Variants in CERKL observed in about 807,000 individuals in gnomAD.
The protein encoded by CERKL is CERK like autophagy regulator.
In CERKL, 61 loss-of-function variants were observed where a neutral mutation model predicts 63.4. That is an observed-to-expected ratio of 0.96 (90% confidence interval 0.78 to 1.19). The LOEUF (loss-of-function observed/expected upper bound fraction) is 1.19, where lower values mean the gene tolerates loss of function less well. Ranked by LOEUF, CERKL falls within the 50% of genes most tolerant of loss-of-function variation. CERKL has a pLI of 0.00. For synonymous variants in CERKL, 250 were observed against 230.5 expected (o/e 1.08, Z -0.77); for missense variants, 675 against 655.5 (o/e 1.03, Z -0.33).
chr2:181,576,651 C>T (rs767557110), intron 2 of CERKL, among the ~76,000 whole-genome samples: 2 of 152,170 alleles, frequency 1.3e-5, no homozygotes, highest in Non-Finnish European at 2.9e-5. Context: ...GGCTGCTTTG[C>T]GGAAAGTAGA....
chr2:181,631,847 T>C (rs1686975606), intron 1 of CERKL, among the ~76,000 whole-genome samples: 1 of 152,218 alleles, frequency 6.6e-6, no homozygotes, highest in African/African-American at 2.4e-5. Flanking sequence ...AGCTGGGCTG[T>C]CACATTTTGC....
chr2:181,585,369 AC>A (rs1461662566), intron 2 of CERKL, among the ~76,000 whole-genome samples: 2 of 152,300 alleles, frequency 1.3e-5, no homozygotes, highest in East Asian at 3.9e-4. Context: ...TGCGATTTCA[AC>A]TGCATTAAAG....
intron 1 of CERKL, among the ~76,000 whole-genome samples, chr2:181,641,575 C>T (rs933462099): frequency 6.6e-6 from 1 of 151,914 alleles, no homozygotes; most frequent in Non-Finnish European, 1.5e-5. Flanking sequence ...ATTGCATAAC[C>T]ATATCAGTTC....
chr2:181,547,169 T>A (rs1481886404), intron 10 of CERKL, among the ~76,000 whole-genome samples: 1 of 152,174 alleles, frequency 6.6e-6, no homozygotes, highest in Non-Finnish European at 1.5e-5. Flanking sequence ...CTTTTGTAAA[T>A]TACCCAGTCT....
At chr2:181,541,945 G>GA (rs1687524878) in intron 11 of CERKL, among the ~76,000 whole-genome samples, 1 of 152,188 alleles carries the variant, frequency 6.6e-6, no homozygotes, top group Non-Finnish European at 1.5e-5. Flanking sequence ...CAGCATACAA[G>GA]AAGACAGAGG....
intron 2 of CERKL, among the ~76,000 whole-genome samples, chr2:181,602,171 T>C (rs2105891516): frequency 6.6e-6 from 1 of 152,350 alleles, no homozygotes; most frequent in South Asian, 2.1e-4. Context: ...TTACTTTCTC[T>C]TGGTTTTATG....
chr2:181,637,403 T>C (rs1687225189), intron 1 of CERKL, among the ~76,000 whole-genome samples: 1 of 151,996 alleles, frequency 6.6e-6, no homozygotes, highest in Non-Finnish European at 1.5e-5. Context: ...AACAGAGAGG[T>C]CAATAAACGA....
intron 1 of CERKL, among the ~76,000 whole-genome samples, chr2:181,641,346 CAT>C (rs1299406156): frequency 1.8e-4 from 2 of 11,054 alleles, no homozygotes; most frequent in African/African-American, 2.3e-4. Context: ...TATATATATA[CAT>C]ATATATACAC....
chr2:181,538,351 C>T lies in CERKL; in HGVS notation c.1539-107G>A, dbSNP rs556123921. 8.5e-5 allele frequency: 57 copies of T among 672,882 alleles called. No homozygotes were observed. In the African/African-American group the frequency reaches 9.0e-4, roughly 11 times the overall value. 41.7% of individuals were successfully genotyped at this position (672,882 alleles called of 1,614,324 possible). ...GCCAAATACAAATTGATAACAAACA[C>T]AGCATTCCCAACAGAGCTGTAATCT... On this transcript the variant is annotated intron_variant, in intron 12 of 12. Transcript: ENST00000410087.
chr2:181,579,491 G>A (rs1020821605), intron 2 of CERKL, among the ~76,000 whole-genome samples: 2 of 151,810 alleles, frequency 1.3e-5, no homozygotes, highest in African/African-American at 2.4e-5. Context: ...AATTATGGCA[G>A]TACTTTACAC....
chr2:181,538,594 C>A (rs533630560), intron 12 of CERKL, among the ~76,000 whole-genome samples: 7 of 152,230 alleles, frequency 4.6e-5, no homozygotes, highest in Admixed American at 1.3e-4. Context: ...GGTTCCTAAA[C>A]CTGTTTATAC....
At chr2:181,561,111 C>T (rs1688421129) in intron 4 of CERKL, among the ~76,000 whole-genome samples, 1 of 152,076 alleles carries the variant, frequency 6.6e-6, no homozygotes, top group African/African-American at 2.4e-5. Context: ...GCGCAAATGG[C>T]CAGCACTGGC....
intron 1 of CERKL, among the ~76,000 whole-genome samples, chr2:181,638,185 C>T (rs189354258): frequency 4.8e-4 from 73 of 152,238 alleles, no homozygotes; most frequent in Middle Eastern, 3.4e-3. Flanking sequence ...TATTTTCTAG[C>T]TCTGTTCTTT....
intron 1 of CERKL, among the ~76,000 whole-genome samples, chr2:181,627,427 C>A (rs1355493152): frequency 1.3e-5 from 2 of 152,122 alleles, no homozygotes; most frequent in Non-Finnish European, 2.9e-5. Context: ...GAAAAAATTA[C>A]CAGGAGTTGC....
intron 2 of CERKL, among the ~76,000 whole-genome samples, chr2:181,602,812 G>T (rs1316762637): frequency 1.3e-5 from 2 of 152,090 alleles, no homozygotes; most frequent in African/African-American, 4.8e-5. Flanking sequence ...AACTATACAA[G>T]CTGCCTCTAC....
At chr2:181,609,227 G>A (rs937012614) in intron 1 of CERKL, among the ~76,000 whole-genome samples, 2 of 150,538 alleles carry the variant, frequency 1.3e-5, no homozygotes, top group Non-Finnish European at 3.0e-5. Context: ...TCTAGCATTA[G>A]GTATATCTCC....
chr2:181,625,926 G>A (rs1681227698), intron 1 of CERKL, among the ~76,000 whole-genome samples: 1 of 152,098 alleles, frequency 6.6e-6, no homozygotes, highest in South Asian at 2.1e-4. Context: ...TTGTTTAATA[G>A]ACAAAAATTC....
intron 1 of CERKL, among the ~76,000 whole-genome samples, chr2:181,651,430 T>C (rs1329952805): frequency 2.0e-5 from 3 of 152,230 alleles, no homozygotes; most frequent in African/African-American, 7.2e-5. Context: ...TGTATGATCA[T>C]TTTAATAGAT....
At position 181,549,640 on chromosome 2, in the gene CERKL, T is replaced by A; in HGVS notation, c.889A>T (p.Ile297Leu). 6.2e-7 allele frequency: 1 copy of A among 1,605,474 alleles called. No homozygotes were observed. The highest frequency in any genetic ancestry group is 8.5e-7 in the Non-Finnish European group (1 of 1,172,400). Residue 297 changes from isoleucine to leucine, a missense_variant, in exon 6 of 13, where the codon ATA becomes TTA. Physicochemically the swap from Ile to Leu is conservative, Grantham distance 5 (BLOSUM62 2). Transcript: ENST00000410087. The stretch of plus-strand genomic sequence containing the variant: ...GCTTTGGAAGAATTCTTACCCATTA[T>A]AATGTGCAATGTTGCAGTTATCACA... ...PHVITATLHI[I>L]MGHVQLVDVC...
Sources: gnomAD v4.1 joint callset for allele counts (sites outside exome capture counted in the v4.1 genomes callset) on GRCh38, gnomAD v4.1.1 for gene constraint, MANE v1.5 for transcripts, NCBI Gene and HGNC (gene_info 2026-07-23, HGNC 2026-07-21) for gene names.